The following HMGN5 variants were observed in gnomAD, a reference collection of about 807,000 sequenced individuals.
HMGN5 encodes high mobility group nucleosome-binding domain-containing protein 5.
A neutral mutation model predicts 9.5 loss-of-function variants in HMGN5; 4 were observed. The observed-to-expected ratio is 0.42, with a 90% CI of 0.21 to 0.96. The LOEUF is 0.96. Among genes scored for constraint, HMGN5 ranks in the 40% least tolerant of loss-of-function variants. HMGN5 has a pLI of 0.30. For missense variants in HMGN5, 192 were observed against 187.5 expected, an observed-to-expected ratio of 1.02 and a Z score of -0.14; for synonymous variants, 55 against 57.1, an observed-to-expected ratio of 0.96 and a Z score of 0.16.
chrX:81,143,154 AAACTTAATTATATCAGAAG>A (rs1402097700), intron 1 of HMGN5, among the ~76,000 whole-genome samples: 1 of 112,137 alleles, frequency 8.9e-6, no homozygotes, highest in Non-Finnish European at 1.9e-5. Context: ...AAGAAACAAG[AAACTTAATTATATCAGAAG>A]AGAAAATCAC....
At position 81,114,589 on chromosome X, in the gene HMGN5, C is replaced by T. The variant is rs1201579696; in HGVS notation, c.*60G>A. On this transcript the variant is annotated 3_prime_UTR_variant, in exon 7 of 7. Coordinates refer to ENST00000358130, the MANE Select transcript of HMGN5 (RefSeq NM_030763.3). ...AAATTTTTGATAAAAATATTTATCT[C>T]TATTAACTTTACAACATGAAGGTAC... is the stretch of plus-strand genomic sequence containing the variant. The T allele has an allele frequency of 1.0e-6, 1 of 994,565 alleles. No homozygotes were observed. Among genetic ancestry groups the T allele is most frequent in the African/African-American group, 2.0e-5 (1 of 51,195 alleles). The allele number at this position is 994,565 out of a possible 1,213,427, so 82.0% of individuals were successfully genotyped here.
At chrX:81,184,905 T>G (rs1371958047) in intron 1 of HMGN5, among the ~76,000 whole-genome samples, 1 of 112,061 alleles carries the variant, frequency 8.9e-6, no homozygotes, top group African/African-American at 3.2e-5. Context: ...GTGTATGTTT[T>G]TGGCACCTTT....
intron 1 of HMGN5, among the ~76,000 whole-genome samples, chrX:81,130,363 G>A (rs1195183130): frequency 9.0e-6 from 1 of 111,380 alleles, no homozygotes; most frequent in African/African-American, 3.3e-5. Context: ...TACTTTGTTA[G>A]GCTTCATATG....
At position 81,115,083 on chromosome X, in the gene HMGN5, C is replaced by T. The variant is rs1018847487; in HGVS notation, c.415G>A (p.Glu139Lys). The T allele has an allele frequency of 4.8e-5, 55 of 1,154,516 alleles. No individual in the cohort carries two copies. Among genetic ancestry groups the T allele is most frequent in the East Asian group, 1.3e-4 (4 of 30,352 alleles). The change falls in exon 7 of 7, where the codon GAA (glutamate) becomes AAA (lysine). Residue 139 changes from glutamate to lysine, a missense_variant. By Grantham distance (56) the Glu-to-Lys change is moderately conservative (BLOSUM62 1). Coordinates refer to ENST00000358130, the MANE Select transcript of HMGN5 (RefSeq NM_030763.3). ...TCTTTTCCAGCTTCCCCTTTCTCTTCGTTTTGATCTTCTTCATCTTCTTTC... is the reference window on the plus strand; with the variant it reads ...TCTTTTCCAGCTTCCCCTTTCTCTTTGTTTTGATCTTCTTCATCTTCTTTC... The part of the protein sequence containing the change: ...DQKEDEEDQN[E>K]EKGEAGKEDK...
intron 1 of HMGN5, among the ~76,000 whole-genome samples, chrX:81,186,646 C>G (rs1226856823): frequency 9.0e-6 from 1 of 110,618 alleles, no homozygotes; most frequent in Non-Finnish European, 1.9e-5. Context: ...GTTTTGTTTG[C>G]TCTTGCTTTT....
chrX:81,133,162 C>T (rs923336819), intron 1 of HMGN5, among the ~76,000 whole-genome samples: 6 of 110,656 alleles, frequency 5.4e-5, no homozygotes, highest in African/African-American at 2.0e-4. Flanking sequence ...GATACCATGT[C>T]ACACCAGTCA....
intron 1 of HMGN5, among the ~76,000 whole-genome samples, chrX:81,131,808 C>T (rs917542074): frequency 1.8e-5 from 2 of 111,233 alleles, no homozygotes; most frequent in African/African-American, 6.5e-5. Context: ...TGGCACAAGA[C>T]AAAGATGCCC....
chrX:81,126,147 C>CAAAAAA (rs776769640), intron 1 of HMGN5, among the ~76,000 whole-genome samples: 1 of 47,759 alleles, frequency 2.1e-5, no homozygotes, highest in Non-Finnish European at 3.8e-5. Context: ...GACGCAGTCT[C>CAAAAAA]AAAAAAAAAA....
intron 1 of HMGN5, among the ~76,000 whole-genome samples, chrX:81,154,373 T>G (rs1157188571): frequency 2.7e-5 from 3 of 111,264 alleles, no homozygotes; most frequent in African/African-American, 9.8e-5. Context: ...CAAAATGGAT[T>G]AAAGACTTAA....
chrX:81,163,441 C>T (rs2075403019), intron 1 of HMGN5, among the ~76,000 whole-genome samples: 1 of 111,704 alleles, frequency 9.0e-6, no homozygotes, highest in Non-Finnish European at 1.9e-5. Flanking sequence ...TAGCCAGTAC[C>T]CTTGAATCTT....
intron 1 of HMGN5, among the ~76,000 whole-genome samples, chrX:81,198,229 G>A (rs2075514859): frequency 9.0e-6 from 1 of 111,560 alleles, no homozygotes; most frequent in South Asian, 3.8e-4. Context: ...AGTCAATGGA[G>A]AGCTAATTTA....
At chrX:81,187,656 C>T (rs1465648703) in intron 1 of HMGN5, among the ~76,000 whole-genome samples, 3 of 111,641 alleles carry the variant, frequency 2.7e-5, no homozygotes, top group Non-Finnish European at 3.8e-5. Context: ...TCCATTCAGC[C>T]AGTCTATGTG....
intron 3 of HMGN5, among the ~76,000 whole-genome samples, chrX:81,119,418 ACAGT>A (rs1202824464): frequency 8.9e-6 from 1 of 111,889 alleles, no homozygotes; most frequent in Admixed American, 9.5e-5. Context: ...ACATATGTGA[ACAGT>A]CATTTAGAGC....
At chrX:81,169,120 T>G (rs1049416679) in intron 1 of HMGN5, among the ~76,000 whole-genome samples, 1 of 111,489 alleles carries the variant, frequency 9.0e-6, no homozygotes, top group African/African-American at 3.3e-5. Flanking sequence ...AACAAGGAAC[T>G]GAAGGGAAAA....
chrX:81,150,547 T>A (rs941978732), intron 1 of HMGN5, among the ~76,000 whole-genome samples: 1 of 111,612 alleles, frequency 9.0e-6, no homozygotes, highest in African/African-American at 3.3e-5. Flanking sequence ...GCCTGGGCAC[T>A]GAGAGTGAAA....
intron 1 of HMGN5, among the ~76,000 whole-genome samples, chrX:81,140,575 A>G (rs2075326217): frequency 9.4e-6 from 1 of 106,725 alleles, no homozygotes; most frequent in Non-Finnish European, 1.9e-5. Flanking sequence ...AAAAAAAAAA[A>G]AAAAAAAAAG....
chrX:81,191,924 G>A (rs1209284490), intron 1 of HMGN5, among the ~76,000 whole-genome samples: 2 of 111,370 alleles, frequency 1.8e-5, no homozygotes, highest in Non-Finnish European at 3.8e-5. Flanking sequence ...AGGGGGTACC[G>A]TCTAGCCATG....
At chrX:81,162,139 C>T (rs954588531) in intron 1 of HMGN5, among the ~76,000 whole-genome samples, 5 of 110,566 alleles carry the variant, frequency 4.5e-5, no homozygotes, top group African/African-American at 1.6e-4. Flanking sequence ...AGTGATGGAG[C>T]TTTTAAGTTT....
At position 81,151,664 on chromosome X, in the gene HMGN5, G is replaced by A. The variant is rs867557759; in HGVS notation, c.-123-29992C>T. Among the ~76,000 whole-genome samples the A allele has an allele frequency of 2.7e-3, 298 of 111,226 alleles. 1 individual carries two copies. The highest frequency in any genetic ancestry group is 9.2e-3 in the African/African-American group (283 of 30,609). On this transcript the variant is annotated intron_variant, in intron 1 of 6. Transcript: ENST00000358130. Reference sequence around the variant, plus strand: ...AGCTCTCCTTGAAGAGATCCTTCACGTCCCTTGTAAGTTGGATTCCTAAGT... The same window carrying A: ...AGCTCTCCTTGAAGAGATCCTTCACATCCCTTGTAAGTTGGATTCCTAAGT...
Sources: allele counts gnomAD v4.1 joint callset (sites outside exome capture counted in the v4.1 genomes callset), GRCh38; gene constraint gnomAD v4.1.1; transcripts MANE v1.5; gene names NCBI Gene and HGNC (gene_info 2026-07-23, HGNC 2026-07-21).